Variants in PLCZ1 observed in about 807,000 individuals in gnomAD.
PLCZ1 encodes 1-phosphatidylinositol 4,5-bisphosphate phosphodiesterase zeta-1.
In PLCZ1, 64 loss-of-function variants were observed where a neutral mutation model predicts 76.8. That is an observed-to-expected ratio of 0.83 (90% CI 0.68 to 1.03). The LOEUF is 1.03. PLCZ1 is among the 50% of genes least tolerant of loss of function. The pLI, the probability that PLCZ1 is intolerant of heterozygous loss-of-function variation, is 0.00. For missense variants in PLCZ1, 751 were observed against 713.7 expected, an observed-to-expected ratio of 1.05 and a Z score of -0.60; for synonymous variants, 248 against 230.8, an observed-to-expected ratio of 1.07 and a Z score of -0.68.
the PLCZ1 span, among the ~76,000 whole-genome samples, chr12:18,665,321 A>G: frequency 1.3e-4 from 20 of 152,242 alleles, no homozygotes; most frequent in South Asian, 3.9e-3. Context: ...TGGTAGTTGT[A>G]GAATGAGAAT....
At chr12:18,736,430 T>C in intron 2 of PLCZ1, 86 bp from the exon 3 acceptor site, 1 of 1,372,204 alleles carries the variant, frequency 7.3e-7, no homozygotes. Context: ...TTTACTGTAT[T>C]ATTTTTATTT....
At chr12:18,732,423 A>T (rs1324059456) in intron 3 of PLCZ1, among the ~76,000 whole-genome samples, 3 of 152,184 alleles carry the variant, frequency 2.0e-5, no homozygotes, top group African/African-American at 7.2e-5. Flanking sequence ...AAGTGCTGGA[A>T]TTACAGGCAT....
chr12:18,729,143 A>G (rs995338533), intron 3 of PLCZ1, among the ~76,000 whole-genome samples: 3 of 152,070 alleles, frequency 2.0e-5, no homozygotes, highest in African/African-American at 7.2e-5. Context: ...TCCATGGTCT[A>G]CCATTCAAGG....
At chr12:18,685,205 C>T (rs1018047735) in intron 13 of PLCZ1, among the ~76,000 whole-genome samples, 4 of 151,996 alleles carry the variant, frequency 2.6e-5, no homozygotes, top group African/African-American at 9.7e-5. Context: ...AGACTAAGTG[C>T]TCCTTTCAAA....
chr12:18,649,903 T>A, the PLCZ1 span, among the ~76,000 whole-genome samples: 7 of 152,238 alleles, frequency 4.6e-5, no homozygotes, highest in Admixed American at 4.6e-4. Context: ...TAGTCTTCTG[T>A]GTGGGAGCAT....
Position 18,683,211 on chromosome 12 carries a change from C to T in PLCZ1, c.*28G>A. The T allele has an allele frequency of 6.3e-7, 1 of 1,593,590 alleles. No individual in the cohort carries two copies. Among genetic ancestry groups the T allele is most frequent in the Non-Finnish European group, 8.6e-7 (1 of 1,162,054 alleles). ...TTGGCTGTTTTATTGCGATGCATAG[C>T]TAATGATATGTCATTTATCATTAGC... On this transcript the variant is annotated 3_prime_UTR_variant, in exon 15 of 15. Coordinates refer to ENST00000266505, the MANE Select transcript of PLCZ1 (RefSeq NM_033123.4).
the PLCZ1 span, among the ~76,000 whole-genome samples, chr12:18,646,296 A>T: frequency 6.6e-6 from 1 of 152,342 alleles, no homozygotes. Context: ...AGAAAATATC[A>T]TTGTGAATGA....
chr12:18,725,378 G>GT (rs1958694133), intron 3 of PLCZ1, among the ~76,000 whole-genome samples: 1 of 152,128 alleles, frequency 6.6e-6, no homozygotes, highest in African/African-American at 2.4e-5. Context: ...AGACTCCTCT[G>GT]TAAGAGAAAA....
chr12:18,712,612 C>G (rs145307189), intron 6 of PLCZ1, among the ~76,000 whole-genome samples: 1 of 152,060 alleles, frequency 6.6e-6, no homozygotes, highest in Non-Finnish European at 1.5e-5. Context: ...CACACACACA[C>G]GAGTAAACAA....
intron 6 of PLCZ1, among the ~76,000 whole-genome samples, chr12:18,709,998 G>A (rs758033185): frequency 2.6e-4 from 40 of 151,674 alleles, no homozygotes; most frequent in Admixed American, 1.3e-3. Flanking sequence ...TAAATATGTC[G>A]ATTTTGTGTT....
At chr12:18,656,305 C>T in the PLCZ1 span, among the ~76,000 whole-genome samples, 1 of 152,004 alleles carries the variant, frequency 6.6e-6, no homozygotes, top group South Asian at 2.1e-4. Context: ...TGGCTGGGCG[C>T]AGTGGGTCAC....
At chr12:18,695,117 G>A in intron 11 of PLCZ1, 38 bp from the exon 12 acceptor site, 2 of 1,578,380 alleles carry the variant, frequency 1.3e-6, no homozygotes, top group Non-Finnish European at 1.7e-6. Flanking sequence ...TCAGGTAATA[G>A]AGAATACAAA....
Position 18,711,354 on chromosome 12 carries a change from A to G in PLCZ1, c.714+1488T>C, listed in dbSNP as rs1592197898. 2.5e-5 allele frequency among the ~76,000 whole-genome samples: 3 copies of G among 121,900 alleles called. No individual in the cohort carries two copies. The South Asian group carries it at 8.4e-4, about 34-fold the overall frequency. The allele number at this position is 121,900 out of a possible 152,430, so 80.0% of individuals were successfully genotyped here. On this transcript the variant is annotated intron_variant, in intron 6 of 14. Transcript: ENST00000266505. ...AACAATGAGAACACATGGACACAGGAAGGGGAACATCACACTCTGGGGACT... is the reference window on the plus strand; with the variant it reads ...AACAATGAGAACACATGGACACAGGGAGGGGAACATCACACTCTGGGGACT...
intron 4 of PLCZ1, among the ~76,000 whole-genome samples, chr12:18,720,332 A>T (rs1958363849): frequency 6.6e-6 from 1 of 151,798 alleles, no homozygotes; most frequent in Non-Finnish European, 1.5e-5. Context: ...ATAACCAGTA[A>T]ATGTCTTTTA....
At chr12:18,693,321 G>C in intron 12 of PLCZ1, 1 of 1,546,316 alleles carries the variant, frequency 6.5e-7, no homozygotes, top group South Asian at 1.1e-5. Flanking sequence ...GGCCCCCCAA[G>C]AGACCTATGC....
the PLCZ1 span, among the ~76,000 whole-genome samples, chr12:18,665,968 G>A: frequency 1.3e-5 from 2 of 151,294 alleles, no homozygotes; most frequent in Admixed American, 1.3e-4. Context: ...GCGTGGTGGT[G>A]CATGCCTGAG....
At chr12:18,737,218 G>A (rs1201130608) in intron 2 of PLCZ1, 143 bp downstream of exon 2, 1 of 875,482 alleles carries the variant, frequency 1.1e-6, no homozygotes, top group Non-Finnish European at 1.9e-6. Context: ...AGTTAGAAAA[G>A]CTCAGAACAA....
At chr12:18,678,417 A>G (rs573796697), downstream of PLCZ1, among the ~76,000 whole-genome samples, 12 of 152,208 alleles carry the variant, frequency 7.9e-5, no homozygotes, top group African/African-American at 2.6e-4. Flanking sequence ...TCGTTTTGAC[A>G]TAAGCATATC....
intron 3 of PLCZ1, among the ~76,000 whole-genome samples, chr12:18,724,345 A>G (rs1440821046): frequency 6.6e-6 from 1 of 152,216 alleles, no homozygotes; most frequent in Non-Finnish European, 1.5e-5. Flanking sequence ...AGATAACTCA[A>G]GAATGACTGG....
Sources: gnomAD v4.1 joint callset for allele counts (sites outside exome capture counted in the v4.1 genomes callset) on GRCh38, gnomAD v4.1.1 for gene constraint, MANE v1.5 for transcripts, NCBI Gene and HGNC (gene_info 2026-07-23, HGNC 2026-07-21) for gene names.